DDIT3: variants seen among roughly 807,000 people sequenced by gnomAD.
DDIT3 encodes DNA damage-inducible transcript 3 protein.
In DDIT3, 14 loss-of-function variants were observed where a neutral mutation model predicts 17.6. The ratio of observed to expected loss-of-function variants is 0.80; its 90% confidence interval spans 0.53 to 1.25. The LOEUF is 1.25. DDIT3 is among the 50% of genes most tolerant of loss of function. The pLI, the probability that DDIT3 is intolerant of heterozygous loss-of-function variation, is 0.00. For missense variants in DDIT3, 216 were observed against 202.7 expected (o/e 1.07, Z -0.40); for synonymous variants, 93 against 76.5 (o/e 1.22, Z -1.13).
intron 1 of DDIT3, 126 bp from the exon 2 acceptor site, chr12:57,517,879 T>G: frequency 2.4e-6 from 1 of 416,606 alleles, no homozygotes. Flanking sequence ...CAGGCTGAAG[T>G]GCAGTGGTGC....
At chr12:57,517,786 T>C (rs1355187319) in intron 1 of DDIT3, 33 bp from the exon 2 acceptor site, 2 of 432,454 alleles carry the variant, frequency 4.6e-6, no homozygotes, top group African/African-American at 4.1e-5. Flanking sequence ...TCAGCCATTT[T>C]TGGAAGGGGG....
At chr12:57,519,455 A>G (rs1326463119) in intron 1 of DDIT3, among the ~76,000 whole-genome samples, 4 of 152,120 alleles carry the variant, frequency 2.6e-5, no homozygotes, top group African/African-American at 9.7e-5. Flanking sequence ...CTCATTAAGT[A>G]TTTGTTAAGA....
Position 57,517,086 on chromosome 12 carries a change from T to C in DDIT3, c.233A>G (p.Gln78Arg), listed in dbSNP as rs530230907. 6.2e-7 allele frequency: 1 copy of C among 1,614,088 alleles called. No individual in the cohort carries two copies. Among genetic ancestry groups the C allele is most frequent in the Non-Finnish European group, 8.5e-7 (1 of 1,180,042 alleles). ...PEPAEVTSTS[Q>R]SPHSPDSSQS... ...ACTGGAATCTGGAGAGTGAGGGCTC[T>C]GGGAGGTGCTTGTGACCTCTGCTGG... is the stretch of plus-strand genomic sequence containing the variant. The change falls in exon 4 of 4, where the codon CAG (glutamine) becomes CGG (arginine). Residue 78 changes from glutamine (Q) to arginine (R), a missense_variant. Coordinates refer to ENST00000346473, the MANE Select transcript of DDIT3 (RefSeq NM_004083.6).
At chr12:57,518,787 T>C (rs941149128) in intron 1 of DDIT3, among the ~76,000 whole-genome samples, 26 of 152,020 alleles carry the variant, frequency 1.7e-4, no homozygotes, top group Non-Finnish European at 2.1e-4. Context: ...GCCTCCGGAG[T>C]AGCTGGGATT....
Position 57,520,472 on chromosome 12 carries a change from C to A in DDIT3, c.-135G>T, listed in dbSNP as rs1162036800. 2.5e-6 allele frequency: 1 copy of A among 398,556 alleles called. No individual in the cohort carries two copies. The highest frequency in any genetic ancestry group is 4.4e-6 in the Non-Finnish European group (1 of 226,114). 24.7% of individuals were successfully genotyped at this position (398,556 alleles called of 1,614,324 possible). ...GGCTCTGTCGCTGCCACCCGCTCAT[C>A]TTTAACATGATACGCTCAGTGCCTT... On this transcript the variant is annotated 5_prime_UTR_variant, in exon 1 of 4. Transcript: ENST00000346473.
intron 1 of DDIT3, among the ~76,000 whole-genome samples, chr12:57,520,119 C>A (rs1341128217): frequency 6.6e-6 from 1 of 152,228 alleles, no homozygotes; most frequent in African/African-American, 2.4e-5. Flanking sequence ...GCGGACAGGC[C>A]TAACGATGAG....
At position 57,516,928 on chromosome 12, in the gene DDIT3, CT is replaced by C; in HGVS notation, c.390del (p.Val131TrpfsTer4). ...MKEKEQENER[K>X]VAQLAEENER... ...TCATTCTCTTCAGCTAGCTGTGCCACTTTCCTTTCATTCTCCTGTTCTTTCT... is the reference window on the plus strand; with the variant it reads ...TCATTCTCTTCAGCTAGCTGTGCCACTTCCTTTCATTCTCCTGTTCTTTCT... On this transcript the variant is annotated frameshift_variant, in exon 4 of 4. Coordinates refer to ENST00000346473, the MANE Select transcript of DDIT3 (RefSeq NM_004083.6). LOFTEE classifies it high-confidence loss of function. The C allele has an allele frequency of 6.2e-7, 1 of 1,614,152 alleles. No homozygotes were observed.
intron 1 of DDIT3, 142 bp from the exon 2 acceptor site, chr12:57,517,895 C>T (rs1042739824): frequency 2.9e-5 from 12 of 407,344 alleles, no homozygotes; most frequent in Non-Finnish European, 4.7e-5. Flanking sequence ...GGTGCGATCT[C>T]GGCTCACTGC....
chr12:57,516,923 T>G lies in DDIT3; in HGVS notation c.396A>C (p.Ala132=). 6.2e-7 allele frequency: 1 copy of G among 1,614,134 alleles called. No homozygotes were observed. The highest frequency in any genetic ancestry group is 8.5e-7 in the Non-Finnish European group (1 of 1,180,028). ...GCCGTTCATTCTCTTCAGCTAGCTG[T>G]GCCACTTTCCTTTCATTCTCCTGTT... is the stretch of plus-strand genomic sequence containing the variant. The part of the protein sequence containing the change: ...EKEQENERKV[A]QLAEENERLK... Residue 132 remains alanine (A), a synonymous_variant, in exon 4 of 4, where the codon GCA becomes GCC. Coordinates refer to ENST00000346473, the MANE Select transcript of DDIT3 (RefSeq NM_004083.6).
At chr12:57,520,167 G>A (rs921526394) in intron 1 of DDIT3, among the ~76,000 whole-genome samples, 1 of 152,234 alleles carries the variant, frequency 6.6e-6, no homozygotes, top group Non-Finnish European at 1.5e-5. Flanking sequence ...AATTTCCCAA[G>A]GGCAACCGAG....
At chr12:57,518,266 TTAC>T (rs1315992189) in intron 1 of DDIT3, among the ~76,000 whole-genome samples, 1 of 152,172 alleles carries the variant, frequency 6.6e-6, no homozygotes, top group African/African-American at 2.4e-5. Context: ...GTAGTCCTGG[TTAC>T]ATAATAGTAA....
chr12:57,518,587 A>T (rs1463517504), intron 1 of DDIT3, among the ~76,000 whole-genome samples: 1 of 152,170 alleles, frequency 6.6e-6, no homozygotes, highest in Non-Finnish European at 1.5e-5. Flanking sequence ...CTAGTTGCTT[A>T]AGCTAAAAAC....
At position 57,516,890 on chromosome 12, in the gene DDIT3, C is replaced by T. The variant is rs1182032013; in HGVS notation, c.429G>A (p.Gln143=). ...CTTCCCTGGTCAGGCGCTCGATTTC[C>T]TGCTTGAGCCGTTCATTCTCTTCAG... ...QLAEENERLK[Q]EIERLTREVE... Residue 143 remains glutamine, a synonymous_variant, in exon 4 of 4, where the codon CAG becomes CAA. Transcript: ENST00000346473. The T allele has an allele frequency of 1.9e-6, 3 of 1,613,938 alleles. No homozygotes were observed. Among genetic ancestry groups the T allele is most frequent in the East Asian group, 2.2e-5 (1 of 44,894 alleles).
Position 57,520,501 on chromosome 12 carries a change from C to T in DDIT3, c.-164G>A. 2.5e-6 allele frequency: 1 copy of T among 398,620 alleles called. No homozygotes were observed. The highest frequency in any genetic ancestry group is 4.4e-6 in the Non-Finnish European group (1 of 226,064). 24.7% of individuals were successfully genotyped at this position (398,620 alleles called of 1,614,324 possible). A position where few individuals can be genotyped will look rare whatever the true frequency, so the allele number is the denominator to read the frequency against. On this transcript the variant is annotated 5_prime_UTR_variant, in exon 1 of 4. Coordinates refer to ENST00000346473, the MANE Select transcript of DDIT3 (RefSeq NM_004083.6). ...AACATGATACGCTCAGTGCCTTAGA[C>T]TTAAGTCTCTGACCTCGGGAGCGCC...
chr12:57,520,079 C>CG (rs1878186072), intron 1 of DDIT3, among the ~76,000 whole-genome samples: 1 of 152,204 alleles, frequency 6.6e-6, no homozygotes, highest in Non-Finnish European at 1.5e-5. Flanking sequence ...AGTCTTAGAG[C>CG]GGGGGTGTGT....
At chr12:57,519,022 A>G (rs1878086979) in intron 1 of DDIT3, 1 of 515,940 alleles carries the variant, frequency 1.9e-6, no homozygotes, top group South Asian at 1.4e-5. Context: ...AAACACTTCT[A>G]ATTCCATTGT....
intron 1 of DDIT3, among the ~76,000 whole-genome samples, chr12:57,517,970 G>T (rs1052952568): frequency 6.6e-6 from 1 of 152,062 alleles, no homozygotes; most frequent in Non-Finnish European, 1.5e-5. Context: ...GGGACTACAG[G>T]CGCGTGCCAC....
At chr12:57,520,363 C>T (rs1030406284) in intron 1 of DDIT3, 55 bp downstream of exon 1, 22 of 398,414 alleles carry the variant, frequency 5.5e-5, no homozygotes, top group African/African-American at 4.3e-4. Context: ...AAAGAGCGGA[C>T]GCCCCAACTT....
chr12:57,518,872 TGGTCTTGAACTCCTGACCTCA>T, intron 1 of DDIT3, among the ~76,000 whole-genome samples: 1 of 152,306 alleles, frequency 6.6e-6, no homozygotes, highest in African/African-American at 2.4e-5. Flanking sequence ...TTGGCCAGGC[TGGTCTTGAACTCCTGACCTCA>T]GGTGATCCAC....
Sources: allele counts gnomAD v4.1 joint callset (sites outside exome capture counted in the v4.1 genomes callset), GRCh38; gene constraint gnomAD v4.1.1; transcripts MANE v1.5; gene names NCBI Gene and HGNC (gene_info 2026-07-23, HGNC 2026-07-21).